The following KCNAB2 variants were observed in gnomAD, a reference collection of about 807,000 sequenced individuals.
The protein encoded by KCNAB2 is voltage-gated potassium channel subunit beta-2.
In KCNAB2, 29 loss-of-function variants were observed where a neutral mutation model predicts 63.6. The observed-to-expected ratio is 0.46, with a 90% CI of 0.34 to 0.62. The LOEUF (loss-of-function observed/expected upper bound fraction) is 0.62, where lower values mean the gene tolerates loss of function less well. Ranked by LOEUF, KCNAB2 falls within the 20% of genes least tolerant of loss-of-function variation. KCNAB2 has a pLI of 0.01. For synonymous variants in KCNAB2, 222 were observed against 224.2 expected, an observed-to-expected ratio of 0.99 and a Z score of 0.09; for missense variants, 359 against 563.9, an observed-to-expected ratio of 0.64 and a Z score of 3.68.
chr1:5,994,949 T>G lies in KCNAB2; in HGVS notation c.-53+2161T>G, dbSNP rs148437909. 6.2e-3 allele frequency among the ~76,000 whole-genome samples: 946 copies of G among 152,240 alleles called. 10 individuals carry two copies. Among genetic ancestry groups the G allele is most frequent in the African/African-American group, 0.022 (913 of 41,534 alleles). ...CTTCCTGTGTGTTGGTGCTCTGCCG[T>G]GGTAACTGGGAACACATCATCTGTG... On this transcript the variant is annotated intron_variant, in intron 1 of 16. Transcript: ENST00000341524. The surrounding 1 kb of genome is among the most constrained non-coding windows in gnomAD (Gnocchi z 5.4).
At chr1:6,097,675 G>A in intron 15 of KCNAB2, 2 of 564,772 alleles carry the variant, frequency 3.5e-6, no homozygotes, top group Admixed American at 6.2e-5. Context: ...TGTCAGGTGG[G>A]CTTGTTGAGA....
chr1:6,036,053 G>T (rs1660012246), intron 1 of KCNAB2: 1 of 152,296 alleles, frequency 6.6e-6, no homozygotes, highest in Admixed American at 6.5e-5. Context: ...ACCTTGGCAA[G>T]TGCAGTTTCC....
In KCNAB2 at chr1:6,074,396, C is replaced by T. The variant is rs57674856; in HGVS notation, c.300+626C>T. ...TCTGGGTCTCTCGGAAGGACAGGGA[C>T]GGCACACGCCCAGACATGTGTGCTT... On this transcript the variant is annotated intron_variant, in intron 4 of 15. Transcript: ENST00000378083. This position sits in a 1 kb window ranked among gnomAD's most constrained non-coding sequence, Gnocchi z 4.9. Among the ~76,000 whole-genome samples the T allele has an allele frequency of 0.1, 15,393 of 152,264 alleles. 2,506 individuals are homozygous for T. Among genetic ancestry groups the T allele is most frequent in the African/African-American group, 0.34 (14,226 of 41,514 alleles).
In KCNAB2 at chr1:5,996,577, C is replaced by T. The variant is rs551294937; in HGVS notation, c.-53+3789C>T. 7.9e-5 allele frequency among the ~76,000 whole-genome samples: 12 copies of T among 152,376 alleles called. 1 individual carries two copies. In the South Asian group the frequency reaches 1.4e-3, roughly 18 times the overall value. ...CCCATGCCCACCCTGCCGGCTTCCC[C>T]GGCACCTGTCTCCTTGCAGGCAGCC... On this transcript the variant is annotated intron_variant, in intron 1 of 16. Coordinates refer to the KCNAB2 transcript ENST00000341524.
chr1:6,064,984 C>T (rs1278703761), intron 2 of KCNAB2, among the ~76,000 whole-genome samples: 1 of 152,210 alleles, frequency 6.6e-6, no homozygotes, highest in Non-Finnish European at 1.5e-5. Context: ...TGGAATCTCT[C>T]TGTCCCTTTG....
chr1:6,060,030 C>T (rs1662174655), intron 2 of KCNAB2, among the ~76,000 whole-genome samples: 1 of 152,234 alleles, frequency 6.6e-6, no homozygotes, highest in Admixed American at 6.5e-5. Flanking sequence ...TTCCCTCGGC[C>T]TCCCACTGTC....
intron 1 of KCNAB2, among the ~76,000 whole-genome samples, chr1:6,038,472 A>T (rs896030316): frequency 6.6e-6 from 1 of 151,786 alleles, no homozygotes; most frequent in Non-Finnish European, 1.5e-5. Context: ...TTTATTTTTT[A>T]ATTTTTTTGT....
At chr1:6,093,812 A>T (rs1665391799) in intron 10 of KCNAB2, among the ~76,000 whole-genome samples, 1 of 152,224 alleles carries the variant, frequency 6.6e-6, no homozygotes, top group Admixed American at 6.5e-5. Context: ...TGGACATGAC[A>T]GGAAACATGA....
chr1:6,100,788 C>T lies in KCNAB2; in HGVS notation c.*2214C>T, dbSNP rs987169549. 2.6e-5 allele frequency: 4 copies of T among 152,258 alleles called. No homozygotes were observed. Among genetic ancestry groups the T allele is most frequent in the Non-Finnish European group, 4.4e-5 (3 of 68,062 alleles). The allele number at this position is 152,258 out of a possible 1,614,324, so 9.4% of individuals were successfully genotyped here. ...GGAGGATGTGAGGGGGCTCTGCCTC[C>T]TAGGGCCAGGTCCCCCCTCTCGGGA... On this transcript the variant is annotated 3_prime_UTR_variant, in exon 16 of 16. Transcript: ENST00000378083.
chr1:6,095,745 T>A, intron 13 of KCNAB2, 121 bp downstream of exon 13: 1 of 909,738 alleles, frequency 1.1e-6, no homozygotes, highest in Non-Finnish European at 1.7e-6. Context: ...TGTTCCCACC[T>A]CGGTCTGCTG....
chr1:6,032,272 T>C (rs1659676781), upstream of KCNAB2, among the ~76,000 whole-genome samples: 1 of 151,884 alleles, frequency 6.6e-6, no homozygotes, highest in African/African-American at 2.4e-5. Context: ...TGATTCCTGG[T>C]TAATCATGAA....
rs772915622 is a variant in KCNAB2, at chr1:6,003,610, G to A, written c.-53+10822G>A. On this transcript the variant is annotated intron_variant, in intron 1 of 16. Transcript: ENST00000341524. The surrounding 1 kb of genome is among the most constrained non-coding windows in gnomAD (Gnocchi z 4.1). ...TGTGGGAAACGTTTGTGTGCATCTC[G>A]CTTTATTTCCTCTCTTGAACTATTA... 5.3e-5 allele frequency among the ~76,000 whole-genome samples: 8 copies of A among 152,170 alleles called. No individual in the cohort carries two copies. The highest frequency in any genetic ancestry group is 5.9e-5 in the Non-Finnish European group (4 of 68,030).
Position 6,087,560 on chromosome 1 carries a change from GC to G in KCNAB2, c.470+53del, listed in dbSNP as rs751205566. On this transcript the variant is annotated intron_variant, in intron 7 of 15. Coordinates refer to ENST00000378083, the MANE Select transcript of KCNAB2 (RefSeq NM_001199862.2). The surrounding 1 kb of genome is among the most constrained non-coding windows in gnomAD (Gnocchi z 6.4). ...TTCCAGCCCCGGCCCAGCAGCCACG[GC>G]CCCGTGCTCCCCAGAGACCCCTGAC... The G allele has an allele frequency of 5.0e-6, 8 of 1,596,394 alleles. No individual in the cohort carries two copies.
chr1:6,051,816 T>C, intron 2 of KCNAB2, 62 bp downstream of exon 2: 1 of 1,479,228 alleles, frequency 6.8e-7, no homozygotes, highest in Non-Finnish European at 9.0e-7. Flanking sequence ...TAAATATGTA[T>C]AAAAGGGCTG....
In KCNAB2 at chr1:6,079,204, C is replaced by A. The variant is rs77901621; in HGVS notation, c.301-2991C>A. 2.9e-3 allele frequency among the ~76,000 whole-genome samples: 440 copies of A among 152,282 alleles called. 4 individuals carry two copies. Among genetic ancestry groups the A allele is most frequent in the Middle Eastern group, 6.8e-3 (2 of 294 alleles). ...CCCAGGGCCTAGAGTGCCCCTCCCC[C>A]ACCCACTCTCTCCTTGCCTGCCTGA... On this transcript the variant is annotated intron_variant, in intron 4 of 15. Transcript: ENST00000378083.
At chr1:6,091,069 G>A (rs1665146993) in intron 9 of KCNAB2, among the ~76,000 whole-genome samples, 194 bp from the exon 10 acceptor site, 2 of 152,204 alleles carry the variant, frequency 1.3e-5, no homozygotes, top group Admixed American at 1.3e-4. Context: ...AAGTTAAATT[G>A]TGTTCCAGTT....
intron 1 of KCNAB2, among the ~76,000 whole-genome samples, chr1:6,015,034 T>G (rs58284456): frequency 0.095 from 12,140 of 128,366 alleles, 509 homozygotes; most frequent in East Asian, 0.27. Context: ...TTTTTTTTTT[T>G]TTTTTTTTGT....
At chr1:6,005,788 G>T (rs1657634616) in intron 1 of KCNAB2, among the ~76,000 whole-genome samples, 1 of 151,914 alleles carries the variant, frequency 6.6e-6, no homozygotes, top group African/African-American at 2.4e-5. Flanking sequence ...CCCTGCCCAG[G>T]ATGCCGGCCG....
chr1:6,092,955 C>G (rs967097503), intron 10 of KCNAB2, among the ~76,000 whole-genome samples: 1 of 152,216 alleles, frequency 6.6e-6, no homozygotes, highest in African/African-American at 2.4e-5. Flanking sequence ...CAGCTCTAGC[C>G]TTTAGGAGGC....
Sources: gnomAD v4.1 joint callset for allele counts (sites outside exome capture counted in the v4.1 genomes callset) on GRCh38, gnomAD v4.1.1 for gene constraint, Gnocchi (gnomAD v3.1) non-coding constraint, MANE v1.5 for transcripts, NCBI Gene and HGNC (gene_info 2026-07-23, HGNC 2026-07-21) for gene names.